KLHL7: variants seen among roughly 807,000 people sequenced by gnomAD.
KLHL7 encodes kelch-like protein 7.
KLHL7 carries 44 observed loss-of-function variants against 67.4 expected under a neutral mutation model. That is an observed-to-expected ratio of 0.65 (90% confidence interval 0.51 to 0.84). The LOEUF (loss-of-function observed/expected upper bound fraction) is 0.84, where lower values mean the gene tolerates loss of function less well. Among genes scored for constraint, KLHL7 ranks in the 40% least tolerant of loss-of-function variants. KLHL7 has a pLI of 0.00. For synonymous variants in KLHL7, 252 were observed against 243.3 expected (o/e 1.04, Z -0.33); for missense variants, 362 against 718.1 (o/e 0.50, Z 5.67).
chr7:23,139,539 G>T (rs562604246), intron 4 of KLHL7, among the ~76,000 whole-genome samples: 1 of 152,348 alleles, frequency 6.6e-6, no homozygotes, highest in South Asian at 2.1e-4. Flanking sequence ...CATCAAACAT[G>T]TCATGGCATT....
intron 7 of KLHL7, among the ~76,000 whole-genome samples, chr7:23,161,447 T>C (rs1280568741): frequency 1.3e-5 from 2 of 152,252 alleles, no homozygotes; most frequent in Admixed American, 1.3e-4. Context: ...AAAATACTCC[T>C]GCAGTGAATT....
intron 5 of KLHL7, among the ~76,000 whole-genome samples, chr7:23,141,626 A>G (rs1784185099): frequency 6.6e-6 from 1 of 151,690 alleles, no homozygotes; most frequent in Non-Finnish European, 1.5e-5. Flanking sequence ...TCATTCATTC[A>G]TTCATTCATT....
rs534971814 is a variant in KLHL7 at position 23,119,729 on chromosome 7, T to G, written c.121-4048T>G. ...GCCACTTAATGAAGATCCCTCACATTTTTTTTGTTTCTCAATATTTAATTA... is the reference window on the plus strand; with the variant it reads ...GCCACTTAATGAAGATCCCTCACATGTTTTTTGTTTCTCAATATTTAATTA... On this transcript the variant is annotated intron_variant, in intron 1 of 10. Coordinates refer to ENST00000339077, the MANE Select transcript of KLHL7 (RefSeq NM_001031710.3). Among the ~76,000 whole-genome samples, 45 of 152,200 alleles carry G rather than the reference T, an allele frequency of 3.0e-4. 1 individual carries two copies. The South Asian group carries it at 9.1e-3, about 31-fold the overall frequency.
At chr7:23,114,177 A>AG (rs1782993396) in intron 1 of KLHL7, among the ~76,000 whole-genome samples, 1 of 152,210 alleles carries the variant, frequency 6.6e-6, no homozygotes, top group African/African-American at 2.4e-5. Flanking sequence ...TGAGTAGGAC[A>AG]GGTAAGGTAT....
intron 7 of KLHL7, chr7:23,155,859 A>C (rs1383540708): frequency 4.2e-6 from 1 of 237,030 alleles, no homozygotes; most frequent in Non-Finnish European, 9.2e-6. Flanking sequence ...ACAGATGGGC[A>C]AGAAGAATTC....
chr7:23,117,733 C>G, intron 1 of KLHL7: 1 of 1,098,030 alleles, frequency 9.1e-7, no homozygotes, highest in Non-Finnish European at 1.3e-6. Flanking sequence ...GTTTCTTAGC[C>G]TTTGCATTTA....
At chr7:23,125,647 A>C in intron 4 of KLHL7, 1 of 1,299,002 alleles carries the variant, frequency 7.7e-7, no homozygotes, top group Non-Finnish European at 1.0e-6. Context: ...CACATTGTCA[A>C]AATGCTGTTT....
At chr7:23,111,418 T>A (rs1782865257) in intron 1 of KLHL7, among the ~76,000 whole-genome samples, 1 of 152,256 alleles carries the variant, frequency 6.6e-6, no homozygotes, top group African/African-American at 2.4e-5. Context: ...TGCCCATGCA[T>A]AGCTTCATAA....
At chr7:23,150,346 A>T (rs1011068179) in intron 6 of KLHL7, among the ~76,000 whole-genome samples, 4 of 152,100 alleles carry the variant, frequency 2.6e-5, no homozygotes, top group Non-Finnish European at 5.9e-5. Context: ...GGTAGTCTTG[A>T]GATTGTGCAT....
chr7:23,131,641 A>C (rs540526702), intron 4 of KLHL7, among the ~76,000 whole-genome samples: 3 of 152,218 alleles, frequency 2.0e-5, no homozygotes, highest in African/African-American at 4.8e-5. Flanking sequence ...GTAACAAACA[A>C]TCCAATTACA....
intron 4 of KLHL7, among the ~76,000 whole-genome samples, chr7:23,134,036 G>T (rs540774334): frequency 6.6e-6 from 1 of 152,194 alleles, no homozygotes; most frequent in Admixed American, 6.5e-5. Context: ...CCAGATCTTA[G>T]AGGACAGGCT....
At position 23,175,536 on chromosome 7, in the gene KLHL7, C is replaced by A; in HGVS notation, c.*1238C>A. The stretch of plus-strand genomic sequence containing the variant: ...ATATAGAGGTTATAATAGTCTTAAA[C>A]CCTAAAAATGTTTAAATCAAAAAGG... On this transcript the variant is annotated 3_prime_UTR_variant, in exon 11 of 11. Coordinates refer to ENST00000339077, the MANE Select transcript of KLHL7 (RefSeq NM_001031710.3). 1.2e-5 allele frequency: 4 copies of A among 322,592 alleles called. No homozygotes were observed. Among genetic ancestry groups the A allele is most frequent in the South Asian group, 2.7e-5 (1 of 37,378 alleles). The allele number at this position is 322,592 out of a possible 1,614,324, so 20.0% of individuals were successfully genotyped here.
chr7:23,121,539 A>G (rs934119565), intron 1 of KLHL7, among the ~76,000 whole-genome samples: 9 of 151,540 alleles, frequency 5.9e-5, no homozygotes, highest in Non-Finnish European at 1.2e-4. Context: ...GGCTCAAGCA[A>G]TCCACCTGCC....
rs1342764381 is a variant in KLHL7, at chr7:23,105,919, C to G, written c.-108C>G. On this transcript the variant is annotated 5_prime_UTR_variant, in exon 1 of 11. Coordinates refer to ENST00000339077, the MANE Select transcript of KLHL7 (RefSeq NM_001031710.3). ...CGCGTTCCAGAGCTGGGCGCTGCAG[C>G]TGCACTGCCGATCGCCGTGTTTGGT... 3 of 1,495,406 alleles carry G rather than the reference C, an allele frequency of 2.0e-6. No homozygotes were observed. The highest frequency in any genetic ancestry group is 2.0e-5 in the Admixed American group (1 of 50,930). The allele number at this position is 1,495,406 out of a possible 1,614,324, so 92.6% of individuals were successfully genotyped here. A position where few individuals can be genotyped will look rare whatever the true frequency, so the allele number is the denominator to read the frequency against.
In KLHL7 at chr7:23,167,376, C is replaced by T. The variant is rs772153829; in HGVS notation, c.1178-460C>T. Among the ~76,000 whole-genome samples the T allele has an allele frequency of 3.9e-5, 6 of 152,136 alleles. No homozygotes were observed. In the South Asian group the frequency reaches 8.3e-4, roughly 21 times the overall value. ...AGGAAATATAATTTTGTTAATGGTG[C>T]TGTAGCTATTCCAGAATATTAAATA... is the stretch of plus-strand genomic sequence containing the variant. On this transcript the variant is annotated intron_variant, in intron 8 of 10. Coordinates refer to ENST00000339077, the MANE Select transcript of KLHL7 (RefSeq NM_001031710.3).
chr7:23,107,737 G>T (rs922764306), intron 1 of KLHL7, among the ~76,000 whole-genome samples: 33 of 152,136 alleles, frequency 2.2e-4, no homozygotes, highest in African/African-American at 7.5e-4. Flanking sequence ...AACAACCAGG[G>T]GTCCCCTCCA....
chr7:23,141,883 A>G (rs1784198106), intron 5 of KLHL7, among the ~76,000 whole-genome samples: 1 of 151,070 alleles, frequency 6.6e-6, no homozygotes, highest in South Asian at 2.1e-4. Flanking sequence ...TTGGCCTCCC[A>G]AAGTGCTGGG....
At chr7:23,140,575 AAAC>A (rs1007857222) in intron 4 of KLHL7, 191 bp from the exon 5 acceptor site, 1 of 634,254 alleles carries the variant, frequency 1.6e-6, no homozygotes, top group Non-Finnish European at 2.7e-6. Context: ...AAAAAACAAA[AAAC>A]AAAAAAAAAA....
At chr7:23,110,818 G>A (rs184618445) in intron 1 of KLHL7, among the ~76,000 whole-genome samples, 3,736 of 125,592 alleles carry the variant, frequency 0.03, 172 homozygotes, top group African/African-American at 0.12. Flanking sequence ...TCCTGTGTCC[G>A]TGTGTTCTCA....
Sources: gnomAD v4.1 joint callset for allele counts (sites outside exome capture counted in the v4.1 genomes callset) on GRCh38, gnomAD v4.1.1 for gene constraint, MANE v1.5 for transcripts, NCBI Gene and HGNC (gene_info 2026-07-23, HGNC 2026-07-21) for gene names.